Variants in SLC35H1 observed in about 807,000 individuals in gnomAD.
SLC35H1 encodes the protein solute carrier family 35 member H1, also known as ovarian cancer-overexpressed gene 1 protein.
At chr20:46,350,266 G>A in the SLC35H1 span, 1 of 1,172,450 alleles carries the variant, frequency 8.5e-7, no homozygotes, top group Non-Finnish European at 1.2e-6. Context: ...TCCCTGGCTT[G>A]GCCCCACCAC....
chr20:46,362,882 T>A, the SLC35H1 span, among the ~76,000 whole-genome samples: 1 of 152,242 alleles, frequency 6.6e-6, no homozygotes, highest in Non-Finnish European at 1.5e-5. Flanking sequence ...TTCTCCCGCC[T>A]CAGGCTCCCG....
the SLC35H1 span, chr20:46,357,646 T>G: frequency 8.7e-6 from 14 of 1,613,780 alleles, no homozygotes; most frequent in African/African-American, 1.3e-5. Context: ...TCTTCTGAGG[T>G]AGTCGGCCCA....
At chr20:46,357,563 T>C in the SLC35H1 span, 1 of 1,574,426 alleles carries the variant, frequency 6.4e-7, no homozygotes, top group Non-Finnish European at 8.7e-7. Context: ...TCTCTTGTTC[T>C]CATCCTATGG....
At chr20:46,361,053 C>T in the SLC35H1 span, among the ~76,000 whole-genome samples, 2 of 152,272 alleles carry the variant, frequency 1.3e-5, no homozygotes, top group African/African-American at 4.8e-5. Context: ...ATATATGCCC[C>T]GGCTCTGATT....
the SLC35H1 span, chr20:46,352,041 G>A: frequency 5.0e-5 from 80 of 1,613,460 alleles, no homozygotes; most frequent in Middle Eastern, 1.7e-4. Flanking sequence ...CATCACGCCC[G>A]AGTCTGTACC....
chr20:46,355,806 T>A, the SLC35H1 span: 1 of 1,613,898 alleles, frequency 6.2e-7, no homozygotes, highest in Admixed American at 1.7e-5. This position sits in a 1 kb window ranked among gnomAD's most constrained non-coding sequence, Gnocchi z 4.8. Context: ...CCTCACCAGC[T>A]CCTCCAGCTT....
the SLC35H1 span, chr20:46,352,721 G>A: frequency 6.4e-5 from 10 of 157,068 alleles, no homozygotes; most frequent in African/African-American, 2.4e-4. Flanking sequence ...GGATCCTAGC[G>A]GGATGAAGGA....
the SLC35H1 span, chr20:46,346,124 T>C: frequency 6.6e-6 from 1 of 152,104 alleles, no homozygotes; most frequent in Non-Finnish European, 1.5e-5. Context: ...GTCCTTCTGT[T>C]GTTCCCCAGC....
At chr20:46,364,294 G>A in the SLC35H1 span, 1 of 152,294 alleles carries the variant, frequency 6.6e-6, no homozygotes, top group African/African-American at 2.4e-5. Flanking sequence ...CCCGGGTGGG[G>A]AGCCCGCTTC....
chr20:46,352,266 G>C, the SLC35H1 span: 1 of 1,598,838 alleles, frequency 6.3e-7, no homozygotes, highest in Admixed American at 1.7e-5. Context: ...GCCGGGTCCT[G>C]GGCTGCCTTG....
the SLC35H1 span, chr20:46,350,883 C>A: frequency 6.2e-7 from 1 of 1,613,914 alleles, no homozygotes; most frequent in Non-Finnish European, 8.5e-7. Context: ...CAGCAAAGTG[C>A]AGACTTCCTG....
the SLC35H1 span, among the ~76,000 whole-genome samples, chr20:46,363,795 C>T: frequency 6.6e-6 from 1 of 152,272 alleles, no homozygotes; most frequent in East Asian, 1.9e-4. Flanking sequence ...CTAAGCCCAG[C>T]TCCTCAGCCT....
At chr20:46,356,519 G>A in the SLC35H1 span, 1 of 1,588,110 alleles carries the variant, frequency 6.3e-7, no homozygotes. Context: ...CACCCCGCTG[G>A]ACAGACAGAC....
the SLC35H1 span, among the ~76,000 whole-genome samples, chr20:46,351,052 C>T: frequency 6.6e-6 from 1 of 152,250 alleles, no homozygotes. Flanking sequence ...ACCCGGCCGG[C>T]TTGCGGCGCT....
the SLC35H1 span, chr20:46,357,523 A>C: frequency 1.5e-6 from 2 of 1,371,004 alleles, no homozygotes; most frequent in Non-Finnish European, 1.0e-6. Context: ...GGAAGAGGGG[A>C]GGGACTTGGC....
the SLC35H1 span, chr20:46,351,960 G>C: frequency 7.4e-7 from 1 of 1,358,866 alleles, no homozygotes; most frequent in South Asian, 1.3e-5. Context: ...GCAGGGCCCT[G>C]GGGTGCAGGA....
the SLC35H1 span, chr20:46,355,085 TC>T: frequency 6.2e-7 from 1 of 1,614,072 alleles, no homozygotes; most frequent in South Asian, 1.1e-5. This position sits in a 1 kb window ranked among gnomAD's most constrained non-coding sequence, Gnocchi z 4.8. Flanking sequence ...AGTTCAGCCT[TC>T]TGCAGGAGCA....
the SLC35H1 span, among the ~76,000 whole-genome samples, chr20:46,360,631 G>A: frequency 2.8e-4 from 42 of 151,910 alleles, no homozygotes; most frequent in African/African-American, 9.7e-4. Context: ...CACAAGCTCC[G>A]CCTCCCAGGT....
At chr20:46,358,361 C>G in the SLC35H1 span, 1 of 1,606,364 alleles carries the variant, frequency 6.2e-7, no homozygotes, top group African/African-American at 1.3e-5. Context: ...ATCCCAGCAC[C>G]CCGCCCCAGC....
Sources: gnomAD v4.1 joint callset for allele counts (sites outside exome capture counted in the v4.1 genomes callset) on GRCh38, gnomAD v4.1.1 for gene constraint, Gnocchi (gnomAD v3.1) non-coding constraint, MANE v1.5 for transcripts, NCBI Gene and HGNC (gene_info 2026-07-23, HGNC 2026-07-21) for gene names.